Variants in ZNF701 observed in about 807,000 individuals in gnomAD.
ZNF701 encodes zinc finger protein 701.
A neutral mutation model predicts 7.1 loss-of-function variants in ZNF701; 6 were observed. The ratio of observed to expected loss-of-function variants is 0.84; its 90% CI spans 0.46 to 1.66. ZNF701 has a LOEUF of 1.66. Ranked by LOEUF, ZNF701 falls within the 40% of genes most tolerant of loss-of-function variation. ZNF701 has a pLI of 0.01. For synonymous variants in ZNF701, 166 were observed against 188.2 expected (o/e 0.88, Z 0.97); for missense variants, 541 against 559.2 (o/e 0.97, Z 0.33).
At chr19:52,599,792 C>T in the ZNF701 span, among the ~76,000 whole-genome samples, 12 of 152,166 alleles carry the variant, frequency 7.9e-5, no homozygotes. Context: ...CTGCTGACAT[C>T]AGTTTCTGTC....
At chr19:52,576,325 C>T (rs1169225699) in intron 3 of ZNF701, among the ~76,000 whole-genome samples, 1 of 151,910 alleles carries the variant, frequency 6.6e-6, no homozygotes, top group Non-Finnish European at 1.5e-5. Flanking sequence ...TGGATCACTT[C>T]AGGTCAGGAG....
At position 52,583,751 on chromosome 19, in the gene ZNF701, T is replaced by A. The variant is rs1568506682; in HGVS notation, c.*294T>A. The A allele has an allele frequency of 4.3e-6, 3 of 689,708 alleles. No homozygotes were observed. The highest frequency in any genetic ancestry group is 4.4e-5 in the Admixed American group (2 of 45,856). The allele number at this position is 689,708 out of a possible 1,614,324, so 42.7% of individuals were successfully genotyped here. A position where few individuals can be genotyped will look rare whatever the true frequency, so the allele number is the denominator to read the frequency against. ...GAGCCTTTGGTGGTCAGTCAACACT[T>A]ACTCACCATCAAGCAATCCATGGTA... On this transcript the variant is annotated 3_prime_UTR_variant, in exon 4 of 4. Transcript: ENST00000391785.
chr19:52,583,039 A>G lies in ZNF701; in HGVS notation c.980A>G (p.Lys327Arg). The change falls in exon 4 of 4, where the codon AAA becomes AGA. Residue 327 changes from lysine to arginine, a missense_variant. By Grantham distance (26) the Lys-to-Arg change is conservative. Coordinates refer to ENST00000391785, the MANE Select transcript of ZNF701 (RefSeq NM_018260.3). ...HRVHTGEKPY[K>R]CEECDKVFSR... ...GTTCATACTGGAGAGAAACCTTACA[A>G]ATGTGAAGAATGTGACAAAGTTTTC... 1 of 1,613,948 alleles carries G rather than the reference A, an allele frequency of 6.2e-7. No homozygotes were observed. Among genetic ancestry groups the G allele is most frequent in the Non-Finnish European group, 8.5e-7 (1 of 1,179,922 alleles).
At chr19:52,582,111 T>TTTA (rs1454838113) in intron 3 of ZNF701, 91 bp from the exon 4 acceptor site, 3 of 1,165,998 alleles carry the variant, frequency 2.6e-6, no homozygotes, top group Middle Eastern at 2.1e-4. Flanking sequence ...AAGTTTAAAA[T>TTTA]AAGTATTGTT....
chr19:52,592,388 C>T, the ZNF701 span, among the ~76,000 whole-genome samples: 1 of 152,174 alleles, frequency 6.6e-6, no homozygotes, highest in Non-Finnish European at 1.5e-5. Context: ...TGGACAGCTT[C>T]TTAGAGACTC....
chr19:52,592,956 C>T, the ZNF701 span, among the ~76,000 whole-genome samples: 1,207 of 115,084 alleles, frequency 0.01, 282 homozygotes, highest in Non-Finnish European at 0.015. Context: ...CCCTGGGTAC[C>T]TGAGATTAGG....
intron 3 of ZNF701, among the ~76,000 whole-genome samples, chr19:52,577,180 G>A (rs8109897): frequency 6.6e-6 from 1 of 152,130 alleles, no homozygotes; most frequent in Admixed American, 6.6e-5. Context: ...GCTAACAGCA[G>A]CCTCCACCTC....
chr19:52,599,858 C>G, the ZNF701 span, among the ~76,000 whole-genome samples: 2 of 152,184 alleles, frequency 1.3e-5, no homozygotes, highest in Non-Finnish European at 2.9e-5. Context: ...AAAACTCACA[C>G]TTGCCAAAAG....
In ZNF701 at chr19:52,585,119, C is replaced by T. The variant is rs2060001203; in HGVS notation, c.*1662C>T. The T allele has an allele frequency of 6.6e-6, 1 of 152,246 alleles. No homozygotes were observed. Among genetic ancestry groups the T allele is most frequent in the African/African-American group, 2.4e-5 (1 of 41,452 alleles). 9.4% of individuals were successfully genotyped at this position (152,246 alleles called of 1,614,324 possible). On this transcript the variant is annotated 3_prime_UTR_variant, in exon 4 of 4. Transcript: ENST00000391785. Reference sequence around the variant, plus strand: ...AGTCTTTTCCTTTTGAGTTTAAAGTCGCCCTGAGGCTGGTCCCGTCCCGGT... The same window carrying T: ...AGTCTTTTCCTTTTGAGTTTAAAGTTGCCCTGAGGCTGGTCCCGTCCCGGT...
In ZNF701 at chr19:52,583,621, A is replaced by C; in HGVS notation, c.*164A>C. On this transcript the variant is annotated 3_prime_UTR_variant, in exon 4 of 4. Coordinates refer to ENST00000391785, the MANE Select transcript of ZNF701 (RefSeq NM_018260.3). ...AGAGTTCATACTGGAGAGAAACCATACAAATGTAAGGTTTGTGACAAGGAT... is the reference window on the plus strand; with the variant it reads ...AGAGTTCATACTGGAGAGAAACCATCCAAATGTAAGGTTTGTGACAAGGAT... 2 of 1,315,200 alleles carry C rather than the reference A, an allele frequency of 1.5e-6. No individual in the cohort carries two copies. The allele number at this position is 1,315,200 out of a possible 1,614,324, so 81.5% of individuals were successfully genotyped here.
chr19:52,574,902 A>G lies in ZNF701; in HGVS notation c.15+740A>G, dbSNP rs186352788. Among the ~76,000 whole-genome samples, 9 of 152,300 alleles carry G rather than the reference A, an allele frequency of 5.9e-5. No individual in the cohort carries two copies. In the East Asian group the frequency reaches 1.2e-3, roughly 20 times the overall value. On this transcript the variant is annotated intron_variant, in intron 2 of 3. Coordinates refer to ENST00000391785, the MANE Select transcript of ZNF701 (RefSeq NM_018260.3). ...GAGCAGTACTTGCAGCTGCCAAATT[A>G]TCCTTTTCCACCAAGATGAGATTCC...
chr19:52,570,308 GGAGTGAAGGTCGCACCGCGGCGGT>G lies in ZNF701; in HGVS notation c.-89_-72+6del, dbSNP rs1338113492. ...GCGCAGACCAGGAAGCGGATCCCGT[GGAGTGAAGGTCGCACCGCGGCGGT>G]GAGTTTTGCTCTGTGTTGTATTAAG... is the stretch of plus-strand genomic sequence containing the variant. On this transcript the variant is annotated splice_donor_variant and 5_prime_UTR_variant, in exon 1 of 4. Transcript: ENST00000391785. LOFTEE classifies it low-confidence loss of function (5UTR_SPLICE). 6.5e-6 allele frequency: 1 copy of G among 154,204 alleles called. No individual in the cohort carries two copies. The highest frequency in any genetic ancestry group is 6.5e-5 in the Admixed American group (1 of 15,304). 9.6% of individuals were successfully genotyped at this position (154,204 alleles called of 1,614,324 possible).
Position 52,582,184 on chromosome 19 carries a change from T to G in ZNF701, c.143-18T>G. 1 of 1,546,448 alleles carries G rather than the reference T, an allele frequency of 6.5e-7. No homozygotes were observed. On this transcript the variant is annotated intron_variant, in intron 3 of 3. Coordinates refer to ENST00000391785, the MANE Select transcript of ZNF701 (RefSeq NM_018260.3). ...TTCCGTACTTAATTTGAAACCTATT[T>G]GTGTTTATATTTTGTAGATACCTCT...
At chr19:52,591,318 C>T (rs972608260), downstream of ZNF701, among the ~76,000 whole-genome samples, 3 of 152,028 alleles carry the variant, frequency 2.0e-5, no homozygotes, top group African/African-American at 4.8e-5. Flanking sequence ...GCTGGGATTA[C>T]AGGCGCTTTC....
intron 3 of ZNF701, among the ~76,000 whole-genome samples, chr19:52,579,591 T>C: frequency 7.1e-6 from 1 of 140,396 alleles, no homozygotes; most frequent in Non-Finnish European, 1.5e-5. Flanking sequence ...TTTCATAACC[T>C]GGCCAGGTGT....
At position 52,583,714 on chromosome 19, in the gene ZNF701, A is replaced by G. The variant is rs934850297; in HGVS notation, c.*257A>G. ...ACTGGAAAGGAACTGTACAAGTGTA[A>G]TGAGTGTGGCAGAGCCTTTGGTGGT... is the stretch of plus-strand genomic sequence containing the variant. On this transcript the variant is annotated 3_prime_UTR_variant, in exon 4 of 4. Transcript: ENST00000391785. The G allele has an allele frequency of 2.6e-5, 21 of 802,906 alleles. 1 individual carries two copies. The highest frequency in any genetic ancestry group is 2.4e-4 in the Admixed American group (13 of 53,118). 49.7% of individuals were successfully genotyped at this position (802,906 alleles called of 1,614,324 possible). A position where few individuals can be genotyped will look rare whatever the true frequency, so the allele number is the denominator to read the frequency against.
chr19:52,574,962 A>T (rs1329537891), intron 2 of ZNF701, among the ~76,000 whole-genome samples: 1 of 151,678 alleles, frequency 6.6e-6, no homozygotes, highest in Admixed American at 6.6e-5. Context: ...ATATATATAT[A>T]TTTGTGTTTG....
rs758043268 is a variant in ZNF701, at chr19:52,582,199, T to C, written c.143-3T>C. On this transcript the variant is annotated splice_polypyrimidine_tract_variant and splice_region_variant and intron_variant, in intron 3 of 3. Coordinates refer to ENST00000391785, the MANE Select transcript of ZNF701 (RefSeq NM_018260.3). ...GAAACCTATTTGTGTTTATATTTTG[T>C]AGATACCTCTTCCAAATGCATGATG... 29 of 1,570,516 alleles carry C rather than the reference T, an allele frequency of 1.8e-5. No homozygotes were observed. The East Asian group carries it at 6.5e-4, about 35-fold the overall frequency.
At chr19:52,589,139 A>G (rs2060026876), downstream of ZNF701, among the ~76,000 whole-genome samples, 1 of 152,048 alleles carries the variant, frequency 6.6e-6, no homozygotes, top group Non-Finnish European at 1.5e-5. Flanking sequence ...TTCCATCCAG[A>G]CCCCCAGCTG....
Sources: allele counts gnomAD v4.1 joint callset (sites outside exome capture counted in the v4.1 genomes callset), GRCh38; gene constraint gnomAD v4.1.1; transcripts MANE v1.5; gene names NCBI Gene and HGNC (gene_info 2026-07-23, HGNC 2026-07-21).